The following HMGA2 variants were observed in gnomAD, a reference collection of about 807,000 sequenced individuals.
HMGA2 encodes high mobility group AT-hook 2.
A neutral mutation model predicts 19.1 loss-of-function variants in HMGA2; 8 were observed. The ratio of observed to expected loss-of-function variants is 0.42; its 90% confidence interval spans 0.25 to 0.76. The LOEUF is 0.76. Ranked by LOEUF, HMGA2 falls within the 30% of genes least tolerant of loss-of-function variation. The pLI is 0.28. For synonymous variants in HMGA2, 60 were observed against 48.8 expected (o/e 1.23, Z -0.96); for missense variants, 109 against 136.3 (o/e 0.80, Z 1.00).
intron 3 of HMGA2, chr12:65,881,855 T>C: frequency 1.4e-6 from 1 of 702,940 alleles, no homozygotes. Context: ...CTGCACTCTT[T>C]TCCCTTGCAC....
intron 3 of HMGA2, among the ~76,000 whole-genome samples, chr12:65,947,977 A>ACTTTTTT (rs1378367488): frequency 1.3e-5 from 2 of 151,952 alleles, no homozygotes; most frequent in African/African-American, 4.8e-5. Context: ...TCTCGATTTG[A>ACTTTTTT]CTTTTTTCTT....
At chr12:65,935,088 C>A (rs1024079242) in intron 3 of HMGA2, 1 of 152,114 alleles carries the variant, frequency 6.6e-6, no homozygotes, top group African/African-American at 2.4e-5. Context: ...ACTGACAGCG[C>A]CTGTATGGCT....
At chr12:65,919,521 A>G (rs1182156373) in intron 3 of HMGA2, among the ~76,000 whole-genome samples, 8 of 152,246 alleles carry the variant, frequency 5.3e-5, no homozygotes, top group Admixed American at 1.3e-4. Flanking sequence ...TGAAATAAGA[A>G]TTTAAGAAAA....
intron 3 of HMGA2, among the ~76,000 whole-genome samples, chr12:65,862,294 C>CACAT (rs1236663661): frequency 2.6e-5 from 4 of 151,048 alleles, no homozygotes; most frequent in Non-Finnish European, 5.9e-5. Context: ...CACACACACA[C>CACAT]ACACACACAC....
At chr12:65,913,452 C>G (rs1874931541) in intron 3 of HMGA2, among the ~76,000 whole-genome samples, 1 of 152,180 alleles carries the variant, frequency 6.6e-6, no homozygotes, top group Admixed American at 6.5e-5. Flanking sequence ...ATTTTCTAAT[C>G]TTATTTCTTC....
chr12:65,927,127 C>A (rs746718835), intron 3 of HMGA2, among the ~76,000 whole-genome samples: 1 of 152,176 alleles, frequency 6.6e-6, no homozygotes, highest in Non-Finnish European at 1.5e-5. Context: ...CAACTTAACA[C>A]CATTTTCAAA....
At chr12:65,923,668 G>A (rs1875401753) in intron 3 of HMGA2, among the ~76,000 whole-genome samples, 1 of 152,204 alleles carries the variant, frequency 6.6e-6, no homozygotes, top group Admixed American at 6.5e-5. Flanking sequence ...GGCTTCAAAT[G>A]GGAGCTCTAG....
intron 3 of HMGA2, among the ~76,000 whole-genome samples, chr12:65,929,416 C>T (rs1944073284): frequency 1.3e-5 from 2 of 151,118 alleles, no homozygotes; most frequent in African/African-American, 4.9e-5. Flanking sequence ...AAAAAAGTAT[C>T]GACTTGATAT....
At chr12:65,875,253 T>A (rs1250127239) in intron 3 of HMGA2, among the ~76,000 whole-genome samples, 2 of 152,224 alleles carry the variant, frequency 1.3e-5, no homozygotes, top group African/African-American at 4.8e-5. Context: ...AGATGTATTT[T>A]ATTTAATTGA....
chr12:65,923,527 C>A (rs1473590531), intron 3 of HMGA2, among the ~76,000 whole-genome samples: 1 of 152,176 alleles, frequency 6.6e-6, no homozygotes, highest in Non-Finnish European at 1.5e-5. Context: ...CAGCACTGGA[C>A]CAGTCCAACA....
At chr12:65,889,739 G>A (rs935394741) in intron 3 of HMGA2, among the ~76,000 whole-genome samples, 1 of 152,140 alleles carries the variant, frequency 6.6e-6, no homozygotes. Context: ...AACTCAGTGC[G>A]GTAGACTCTG....
intron 3 of HMGA2, among the ~76,000 whole-genome samples, chr12:65,942,949 G>T (rs907810217): frequency 6.6e-6 from 1 of 151,876 alleles, no homozygotes; most frequent in Non-Finnish European, 1.5e-5. Context: ...TTTTTTCAGT[G>T]ACCTTATCTC....
At chr12:65,909,679 C>A (rs1188196068) in intron 3 of HMGA2, among the ~76,000 whole-genome samples, 1 of 152,194 alleles carries the variant, frequency 6.6e-6, no homozygotes, top group Non-Finnish European at 1.5e-5. Flanking sequence ...AAGCCTCAAA[C>A]CTGATGTCTT....
chr12:65,905,166 TA>T (rs1298535747), intron 3 of HMGA2, among the ~76,000 whole-genome samples: 1 of 151,546 alleles, frequency 6.6e-6, no homozygotes, highest in African/African-American at 2.4e-5. Flanking sequence ...GAGTAGGTTA[TA>T]ATGAATTGAC....
chr12:65,891,402 C>T (rs1047429791), intron 3 of HMGA2, among the ~76,000 whole-genome samples: 3 of 152,122 alleles, frequency 2.0e-5, no homozygotes, highest in Non-Finnish European at 2.9e-5. Flanking sequence ...TGATGTTGAA[C>T]TACAATAATA....
rs1876861943 is a variant in HMGA2 at position 65,964,833 on chromosome 12, T to G, written c.*1541T>G. 1 of 193,820 alleles carries G rather than the reference T, an allele frequency of 5.2e-6. No homozygotes were observed. Among genetic ancestry groups the G allele is most frequent in the African/African-American group, 2.3e-5 (1 of 43,158 alleles). 12.0% of individuals were successfully genotyped at this position (193,820 alleles called of 1,614,324 possible). On this transcript the variant is annotated 3_prime_UTR_variant, in exon 5 of 5. Coordinates refer to ENST00000403681, the MANE Select transcript of HMGA2 (RefSeq NM_003483.6). ...TTTAACCAAGTCGCTCCTAGGTTCT[T>G]AAGGATAATTTTCCTCAATCACACT...
chr12:65,838,992 C>CTTTTTTTTT (rs1565703147), intron 3 of HMGA2, among the ~76,000 whole-genome samples: 4 of 89,450 alleles, frequency 4.5e-5, no homozygotes, highest in African/African-American at 3.1e-4. Context: ...CTTTCTTTTT[C>CTTTTTTTTT]TTTTTCTTTT....
At chr12:65,832,926 A>G (rs1870540125) in intron 2 of HMGA2, among the ~76,000 whole-genome samples, 1 of 151,978 alleles carries the variant, frequency 6.6e-6, no homozygotes, top group Non-Finnish European at 1.5e-5. Flanking sequence ...GATTTGGAGG[A>G]GAAGAATCTT....
chr12:65,931,332 C>G (rs565326969), intron 3 of HMGA2, among the ~76,000 whole-genome samples: 1 of 152,086 alleles, frequency 6.6e-6, no homozygotes, highest in Admixed American at 6.5e-5. Flanking sequence ...TTTTTCTCTT[C>G]CTTTGAAGAA....
Sources: gnomAD v4.1 joint callset for allele counts (sites outside exome capture counted in the v4.1 genomes callset) on GRCh38, gnomAD v4.1.1 for gene constraint, MANE v1.5 for transcripts, NCBI Gene and HGNC (gene_info 2026-07-23, HGNC 2026-07-21) for gene names.